The following NEBL variants were observed in gnomAD, a reference collection of about 807,000 sequenced individuals.
NEBL encodes LIM and SH3 protein 2.
Under a neutral mutation model 140.2 loss-of-function variants are expected in NEBL, and 122 were observed. That is an observed-to-expected ratio of 0.87 (90% CI 0.75 to 1.01). The LOEUF (loss-of-function observed/expected upper bound fraction) is 1.01, where lower values mean the gene tolerates loss of function less well. Ranked by LOEUF, NEBL falls within the 50% of genes least tolerant of loss-of-function variation. The pLI is 0.00. For missense variants in NEBL, 1,365 were observed against 1,231.3 expected (o/e 1.11, Z -1.62); for synonymous variants, 436 against 398.9 (o/e 1.09, Z -1.11).
intron 6 of NEBL, 56 bp downstream of exon 6, chr10:20,869,684 T>G: frequency 2.5e-6 from 3 of 1,187,102 alleles, no homozygotes; most frequent in South Asian, 2.4e-5. Flanking sequence ...AGCTATGCTT[T>G]GCCTCCTACA....
At chr10:21,101,681 T>C (rs1470825099) in intron 2 of NEBL, among the ~76,000 whole-genome samples, 1 of 152,172 alleles carries the variant, frequency 6.6e-6, no homozygotes, top group Non-Finnish European at 1.5e-5. Flanking sequence ...TTAAATACTA[T>C]GTACCCCCAC....
chr10:21,015,770 C>A (rs1298180212), intron 3 of NEBL, among the ~76,000 whole-genome samples: 1 of 152,178 alleles, frequency 6.6e-6, no homozygotes, highest in East Asian at 1.9e-4. Flanking sequence ...ACCTCAGCCT[C>A]CCGAAGTGCT....
chr10:21,166,410 T>G (rs574464675), intron 2 of NEBL, among the ~76,000 whole-genome samples: 3 of 152,000 alleles, frequency 2.0e-5, no homozygotes, highest in Non-Finnish European at 2.9e-5. Context: ...GTTACAACTC[T>G]CTAATGGGTA....
chr10:21,186,846 T>C (rs921360684), intron 3 of NEBL, among the ~76,000 whole-genome samples: 6 of 152,076 alleles, frequency 3.9e-5, no homozygotes, highest in Admixed American at 2.6e-4. Context: ...GTTGTTATGC[T>C]GTATTGATTG....
intron 2 of NEBL, among the ~76,000 whole-genome samples, chr10:21,127,316 C>A (rs658096): frequency 0.36 from 54,765 of 151,956 alleles, 10,613 homozygotes; most frequent in African/African-American, 0.51. Flanking sequence ...ATTCCAACTA[C>A]TAAATGCAGA....
intron 9 of NEBL, among the ~76,000 whole-genome samples, chr10:20,855,971 T>C (rs1843038146): frequency 1.3e-5 from 2 of 152,226 alleles, no homozygotes; most frequent in Admixed American, 1.3e-4. Flanking sequence ...AAGTAGGCTA[T>C]TCTTTGTTTC....
chr10:21,103,416 T>C (rs772921574), intron 2 of NEBL, among the ~76,000 whole-genome samples: 1 of 152,114 alleles, frequency 6.6e-6, no homozygotes, highest in Non-Finnish European at 1.5e-5. Flanking sequence ...GGTTTCACCA[T>C]GTTAGCCAGT....
At chr10:21,038,359 C>T (rs1169339668) in intron 2 of NEBL, among the ~76,000 whole-genome samples, 1 of 152,168 alleles carries the variant, frequency 6.6e-6, no homozygotes, top group African/African-American at 2.4e-5. Context: ...TGTCTCTCCC[C>T]TTTACTGCCA....
At chr10:20,939,754 T>C (rs1395893677) in intron 4 of NEBL, among the ~76,000 whole-genome samples, 3 of 151,802 alleles carry the variant, frequency 2.0e-5, no homozygotes, top group East Asian at 3.9e-4. Context: ...ACCAAGCAAA[T>C]GGAAAATATA....
chr10:21,169,075 T>C (rs371074320), intron 2 of NEBL, among the ~76,000 whole-genome samples: 6 of 50,086 alleles, frequency 1.2e-4, no homozygotes, highest in Non-Finnish European at 1.8e-4. Flanking sequence ...AAAATATATA[T>C]ATATATATAT....
intron 2 of NEBL, among the ~76,000 whole-genome samples, chr10:21,024,211 C>T (rs956701734): frequency 6.6e-6 from 1 of 151,944 alleles, no homozygotes; most frequent in Non-Finnish European, 1.5e-5. Flanking sequence ...ATGCTTTGTA[C>T]TTTTTCCAAT....
Position 20,922,962 on chromosome 10 carries a change from T to C in NEBL, c.357+38710A>G, listed in dbSNP as rs1425674804. ...CAGAGGGGAGTATAGGGAAGCACTT[T>C]TCCTTCCAGTACCTGGTAGAATGTT... On this transcript the variant is annotated intron_variant, in intron 4 of 6. Transcript: ENST00000417816. Among the ~76,000 whole-genome samples the C allele has an allele frequency of 3.3e-5, 5 of 152,348 alleles. No homozygotes were observed. The East Asian group carries it at 9.6e-4, about 29-fold the overall frequency.
At chr10:20,996,083 C>T (rs917492324) in intron 3 of NEBL, among the ~76,000 whole-genome samples, 3 of 152,118 alleles carry the variant, frequency 2.0e-5, no homozygotes, top group African/African-American at 7.2e-5. Flanking sequence ...CTAACTCAGG[C>T]AATACTAATG....
In NEBL at chr10:20,852,646, C is replaced by G. The variant is rs778763275; in HGVS notation, c.907G>C (p.Glu303Gln). Reference protein sequence around the residue: ...LKASKMLSGREYKKLFEENKG... With the variant: ...LKASKMLSGRQYKKLFEENKG... ...TTTTCCTCAAAGAGCTTTTTATATTCTCGCTAAAATACAGAATGGGGAAAT... is the reference window on the plus strand; with the variant it reads ...TTTTCCTCAAAGAGCTTTTTATATTGTCGCTAAAATACAGAATGGGGAAAT... Residue 303 changes from glutamate to glutamine, a missense_variant, in exon 10 of 28, where the codon GAA becomes CAA. This residue lies in a region of NEBL where 1,323 missense variants were observed against 1,154.8 expected (regional missense o/e 1.15). Transcript: ENST00000377122. The G allele has an allele frequency of 5.6e-6, 9 of 1,606,258 alleles. No homozygotes were observed. Among genetic ancestry groups the G allele is most frequent in the South Asian group, 5.5e-5 (5 of 90,866 alleles).
intron 4 of NEBL, among the ~76,000 whole-genome samples, chr10:20,933,185 C>A (rs1303350115): frequency 2.0e-5 from 3 of 152,194 alleles, no homozygotes; most frequent in African/African-American, 7.2e-5. Flanking sequence ...TTATGGTTCA[C>A]CATTTGCATC....
intron 3 of NEBL, among the ~76,000 whole-genome samples, chr10:21,188,159 G>T (rs539913143): frequency 6.6e-6 from 1 of 152,222 alleles, no homozygotes; most frequent in South Asian, 2.1e-4. Context: ...TCAGTGGTTT[G>T]CCCTGTGCCC....
intron 26 of NEBL, among the ~76,000 whole-genome samples, chr10:20,795,576 G>GTC (rs962226608): frequency 4.5e-4 from 69 of 152,118 alleles, no homozygotes; most frequent in African/African-American, 1.5e-3. Flanking sequence ...GTGTGTGTGT[G>GTC]TATGTCAGAT....
At chr10:20,902,276 GGT>G (rs1673361668), upstream of NEBL, among the ~76,000 whole-genome samples, 1 of 151,958 alleles carries the variant, frequency 6.6e-6, no homozygotes, top group African/African-American at 2.4e-5. Context: ...CATGGTGGCG[GGT>G]GCCTGTAGTC....
chr10:20,893,627 G>A (rs144900822), intron 2 of NEBL, among the ~76,000 whole-genome samples: 1 of 152,166 alleles, frequency 6.6e-6, no homozygotes, highest in Admixed American at 6.5e-5. Flanking sequence ...GCTTCCTAGG[G>A]CTGATCTCTA....
Sources: allele counts gnomAD v4.1 joint callset (sites outside exome capture counted in the v4.1 genomes callset), GRCh38; gene constraint gnomAD v4.1.1; regional missense constraint gnomAD v4.1.1; transcripts MANE v1.5; gene names NCBI Gene and HGNC (gene_info 2026-07-23, HGNC 2026-07-21).